The following YY1 variants were observed in gnomAD, a reference collection of about 807,000 sequenced individuals.
The protein encoded by YY1 is YY1 transcription factor.
YY1 carries 2 observed loss-of-function variants against 35.6 expected under a neutral mutation model. That is an observed-to-expected ratio of 0.06 (90% CI 0.02 to 0.18). YY1 has a LOEUF of 0.18. Ranked by LOEUF, YY1 falls within the 10% of genes least tolerant of loss-of-function variation. YY1 has a pLI of 1.00. For missense variants in YY1, 322 were observed against 573.4 expected, an observed-to-expected ratio of 0.56 and a Z score of 4.48; for synonymous variants, 268 against 238.9, an observed-to-expected ratio of 1.12 and a Z score of -1.12.
At chr14:100,243,832 G>C (rs1244183237) in intron 1 of YY1, among the ~76,000 whole-genome samples, 1 of 151,650 alleles carries the variant, frequency 6.6e-6, no homozygotes, top group Non-Finnish European at 1.5e-5. Flanking sequence ...TTGGCCGGGC[G>C]CGGTGGCTGA....
chr14:100,267,815 C>T (rs1345190059), intron 2 of YY1, among the ~76,000 whole-genome samples: 1 of 152,244 alleles, frequency 6.6e-6, no homozygotes, highest in African/African-American at 2.4e-5. Flanking sequence ...AGCCACTGCG[C>T]CCGGCCTCTA....
intron 2 of YY1, among the ~76,000 whole-genome samples, chr14:100,272,890 G>A (rs563815231): frequency 7.3e-5 from 11 of 150,774 alleles, no homozygotes; most frequent in African/African-American, 2.4e-4. Flanking sequence ...AGGACATACC[G>A]CGTTTGATTT....
rs142136838 is a variant in YY1 at position 100,246,395 on chromosome 14, C to T, written c.679+6472C>T. On this transcript the variant is annotated intron_variant, in intron 1 of 4. Transcript: ENST00000262238. ...TGGCACCTCCTTCACGCCTAGGAGT[C>T]GATGGTCCCTCCCCTGGTGTGCCCA... is the stretch of plus-strand genomic sequence containing the variant. 8.6e-3 allele frequency among the ~76,000 whole-genome samples: 1,309 copies of T among 152,260 alleles called. 17 individuals are homozygous for T. Among genetic ancestry groups the T allele is most frequent in the African/African-American group, 0.03 (1,248 of 41,546 alleles).
intron 1 of YY1, among the ~76,000 whole-genome samples, chr14:100,253,095 T>A (rs1295224382): frequency 6.6e-6 from 1 of 152,128 alleles, no homozygotes; most frequent in Non-Finnish European, 1.5e-5. Context: ...GTTAACTATG[T>A]CCTGTGAAAC....
chr14:100,241,082 CAAT>C (rs1412580401), intron 1 of YY1, among the ~76,000 whole-genome samples: 1 of 152,148 alleles, frequency 6.6e-6, no homozygotes, highest in East Asian at 1.9e-4. Flanking sequence ...ACTTCAAAGG[CAAT>C]TATTAATTCA....
In YY1 at chr14:100,277,639, C is replaced by A; in HGVS notation, c.*39C>A. 2 of 1,601,092 alleles carry A rather than the reference C, an allele frequency of 1.2e-6. No homozygotes were observed. On this transcript the variant is annotated 3_prime_UTR_variant, in exon 5 of 5. Transcript: ENST00000262238. This position sits in a 1 kb window ranked among gnomAD's most constrained non-coding sequence, Gnocchi z 5.6. ...GACCCTTCTCGACCACGGGAAGCATCTTCCAGAAGTGTGATTGGGAATAAA... is the reference window on the plus strand; with the variant it reads ...GACCCTTCTCGACCACGGGAAGCATATTCCAGAAGTGTGATTGGGAATAAA...
chr14:100,242,438 G>A (rs1427774388), intron 1 of YY1, among the ~76,000 whole-genome samples: 5 of 140,224 alleles, frequency 3.6e-5, no homozygotes, highest in African/African-American at 1.3e-4. Context: ...GCCCAGGCTG[G>A]TGTGCAGTGG....
intron 1 of YY1, among the ~76,000 whole-genome samples, chr14:100,261,549 A>G (rs1437304716): frequency 2.6e-5 from 4 of 152,238 alleles, no homozygotes; most frequent in Non-Finnish European, 5.9e-5. Context: ...CTGTAAATGC[A>G]CGGGATCAAA....
intron 1 of YY1, among the ~76,000 whole-genome samples, chr14:100,256,051 C>CA (rs1015799466): frequency 4.6e-5 from 7 of 151,806 alleles, no homozygotes; most frequent in African/African-American, 1.7e-4. Flanking sequence ...GCAGGAGGGT[C>CA]ACTTGAGTCC....
chr14:100,249,748 G>GTTTTTTTTTTTTTTTTTT (rs57119106), intron 1 of YY1, among the ~76,000 whole-genome samples: 2 of 141,030 alleles, frequency 1.4e-5, no homozygotes, highest in African/African-American at 5.3e-5. Context: ...GCTACTTACC[G>GTTTTTTTTTTTTTTTTTT]TTTTTTTTTT....
Position 100,257,759 on chromosome 14 carries a change from A to G in YY1, c.680-4545A>G, listed in dbSNP as rs540233653. ...AATGTTGCCTTAAGCCACCTAATCT[A>G]TATTTTTGTTGTAGCAGCCCAAATG... On this transcript the variant is annotated intron_variant, in intron 1 of 4. Coordinates refer to ENST00000262238, the MANE Select transcript of YY1 (RefSeq NM_003403.5). Among the ~76,000 whole-genome samples, 7 of 152,312 alleles carry G rather than the reference A, an allele frequency of 4.6e-5. 1 individual carries two copies. The highest frequency in any genetic ancestry group is 1.4e-4 in the African/African-American group (6 of 41,566).
At chr14:100,242,540 C>T (rs906520766) in intron 1 of YY1, among the ~76,000 whole-genome samples, 1 of 151,690 alleles carries the variant, frequency 6.6e-6, no homozygotes, top group African/African-American at 2.4e-5. Flanking sequence ...AGGCGCCCAC[C>T]ACCACGCCCG....
intron 1 of YY1, among the ~76,000 whole-genome samples, chr14:100,244,548 G>A (rs1890802002): frequency 6.7e-6 from 1 of 150,106 alleles, no homozygotes; most frequent in African/African-American, 2.5e-5. Flanking sequence ...CTCCCAAAGT[G>A]TTGGGATTAC....
In YY1 at chr14:100,258,351, T is replaced by C. The variant is rs1054326393; in HGVS notation, c.680-3953T>C. On this transcript the variant is annotated intron_variant, in intron 1 of 4. Transcript: ENST00000262238. ...GTTTGTGTCTTAGGGTCAGTAACCATATTTCCTGTCTCTTTTTCGGAATAC... is the reference window on the plus strand; with the variant it reads ...GTTTGTGTCTTAGGGTCAGTAACCACATTTCCTGTCTCTTTTTCGGAATAC... 3.3e-5 allele frequency among the ~76,000 whole-genome samples: 5 copies of C among 152,264 alleles called. No individual in the cohort carries two copies. In the South Asian group the frequency reaches 1.0e-3, roughly 32 times the overall value.
chr14:100,253,647 C>T (rs1331451361), intron 1 of YY1, among the ~76,000 whole-genome samples: 3 of 152,098 alleles, frequency 2.0e-5, no homozygotes, highest in Non-Finnish European at 4.4e-5. Flanking sequence ...CTGCCTCAGC[C>T]TCCCAAAGTG....
Position 100,277,250 on chromosome 14 carries a change from C to T in YY1, c.1063-168C>T. On this transcript the variant is annotated intron_variant, in intron 4 of 4. Transcript: ENST00000262238. This position sits in a 1 kb window ranked among gnomAD's most constrained non-coding sequence, Gnocchi z 5.6. ...GCTCTCCTTGGGTTTTCGGGGTTGT[C>T]CAACCTGCCTGCTGATTCTAGACTA... The T allele has an allele frequency of 3.4e-6, 3 of 870,642 alleles. No homozygotes were observed. In the South Asian group the frequency reaches 4.4e-5, roughly 13 times the overall value. 53.9% of individuals were successfully genotyped at this position (870,642 alleles called of 1,614,324 possible). A position where few individuals can be genotyped will look rare whatever the true frequency, so the allele number is the denominator to read the frequency against.
rs776452688 is a variant in YY1 at position 100,239,348 on chromosome 14, C to T, written c.104C>T (p.Thr35Ile). The T allele has an allele frequency of 6.2e-7, 1 of 1,604,204 alleles. No individual in the cohort carries two copies. Among genetic ancestry groups the T allele is most frequent in the Non-Finnish European group, 8.5e-7 (1 of 1,176,166 alleles). ...GAGGTGGAGACCATCCCGGTGGAGA[C>T]CATCGAGACCACAGTGGTGGGCGAG... ...EIEVETIPVE[T>I]IETTVVGEEE... Residue 35 changes from threonine (T) to isoleucine (I), a missense_variant, in exon 1 of 5, where the codon ACC becomes ATC. Thr to Ile is a moderately conservative substitution (Grantham distance 89, BLOSUM62 -1). Coordinates refer to ENST00000262238, the MANE Select transcript of YY1 (RefSeq NM_003403.5).
intron 2 of YY1, among the ~76,000 whole-genome samples, chr14:100,272,954 G>GTTGTTTTTTTTTTTTTTTTTTTTTT: frequency 7.1e-6 from 1 of 141,200 alleles, no homozygotes; most frequent in Non-Finnish European, 1.5e-5. Context: ...GTTTTTTGTT[G>GTTGTTTTTTTTTTTTTTTTTTTTTT]TTTTTTTTTT....
chr14:100,260,771 CTTTTTTT>C (rs71113254), intron 1 of YY1, among the ~76,000 whole-genome samples: 8 of 42,566 alleles, frequency 1.9e-4, no homozygotes, highest in African/African-American at 7.4e-4. Context: ...GTGCCTGGTC[CTTTTTTT>C]TTTTTTTTTT....
Sources: gnomAD v4.1 joint callset for allele counts (sites outside exome capture counted in the v4.1 genomes callset) on GRCh38, gnomAD v4.1.1 for gene constraint, Gnocchi (gnomAD v3.1) non-coding constraint, MANE v1.5 for transcripts, NCBI Gene and HGNC (gene_info 2026-07-23, HGNC 2026-07-21) for gene names.